HTR4: variants seen among roughly 807,000 people sequenced by gnomAD.
HTR4 encodes 5-hydroxytryptamine receptor 4.
A neutral mutation model predicts 36.8 loss-of-function variants in HTR4; 16 were observed. The observed-to-expected ratio is 0.43, with a 90% confidence interval of 0.29 to 0.66. The LOEUF is 0.66. Ranked by LOEUF, HTR4 falls within the 30% of genes least tolerant of loss-of-function variation. The pLI is 0.13. For missense variants in HTR4, 438 were observed against 490.9 expected (o/e 0.89, Z 1.02); for synonymous variants, 189 against 185.1 (o/e 1.02, Z -0.17).
At chr5:148,493,585 A>C (rs560445783) in intron 6 of HTR4, among the ~76,000 whole-genome samples, 7 of 152,234 alleles carry the variant, frequency 4.6e-5, no homozygotes, top group Non-Finnish European at 8.8e-5. Flanking sequence ...ATGATGAATG[A>C]TAAATTGGTG....
At chr5:148,630,102 T>C (rs536011234) in intron 2 of HTR4, 1 of 152,326 alleles carries the variant, frequency 6.6e-6, no homozygotes, top group South Asian at 2.1e-4. Context: ...TGAGGCTTCT[T>C]GACCTCTTTA....
intron 5 of HTR4, among the ~76,000 whole-genome samples, chr5:148,462,287 A>C (rs1755295725): frequency 6.6e-6 from 1 of 152,006 alleles, no homozygotes; most frequent in Non-Finnish European, 1.5e-5. Context: ...AGAAATGAAG[A>C]GAGAGAGAAA....
intron 6 of HTR4, among the ~76,000 whole-genome samples, chr5:148,489,939 A>G (rs1280767546): frequency 6.6e-6 from 1 of 152,088 alleles, no homozygotes; most frequent in Admixed American, 6.6e-5. Flanking sequence ...CCTGAGTGAT[A>G]AACACGAAGC....
chr5:148,544,489 A>T (rs186092933), intron 4 of HTR4, among the ~76,000 whole-genome samples: 491 of 152,192 alleles, frequency 3.2e-3, no homozygotes, highest in African/African-American at 0.011. Context: ...ACACGTCATT[A>T]TTTCTCATGG....
chr5:148,559,809 T>G (rs1386460686), intron 2 of HTR4, among the ~76,000 whole-genome samples: 1 of 152,142 alleles, frequency 6.6e-6, no homozygotes, highest in Non-Finnish European at 1.5e-5. Flanking sequence ...TGCTTGTTAG[T>G]GCACCTCCTG....
At chr5:148,567,574 G>A (rs571616095) in intron 2 of HTR4, among the ~76,000 whole-genome samples, 138 of 152,004 alleles carry the variant, frequency 9.1e-4, no homozygotes, top group African/African-American at 3.0e-3. Context: ...CTTTGATCTC[G>A]ATTTCCACCA....
chr5:148,496,344 G>A (rs1011111314), intron 6 of HTR4, among the ~76,000 whole-genome samples: 1 of 152,110 alleles, frequency 6.6e-6, no homozygotes, highest in Non-Finnish European at 1.5e-5. Context: ...TCTAATGTGA[G>A]TGATCTGCAG....
chr5:148,630,666 G>GT, intron 2 of HTR4, among the ~76,000 whole-genome samples: 1 of 152,172 alleles, frequency 6.6e-6, no homozygotes, highest in Middle Eastern at 3.4e-3. Flanking sequence ...TTAATTATCA[G>GT]TTTTTGGGTA....
chr5:148,463,862 G>C (rs1467878934), intron 5 of HTR4, among the ~76,000 whole-genome samples: 1 of 152,034 alleles, frequency 6.6e-6, no homozygotes, highest in Non-Finnish European at 1.5e-5. Context: ...AAATGAAGCA[G>C]TATAGTTTGG....
chr5:148,459,762 CA>C (rs1030298658), intron 5 of HTR4, among the ~76,000 whole-genome samples: 1 of 151,990 alleles, frequency 6.6e-6, no homozygotes, highest in Non-Finnish European at 1.5e-5. Flanking sequence ...CCAAAACAAA[CA>C]AACAAAAAAA....
chr5:148,580,938 C>T (rs1009647747), intron 2 of HTR4, among the ~76,000 whole-genome samples: 1 of 151,828 alleles, frequency 6.6e-6, no homozygotes, highest in African/African-American at 2.4e-5. Context: ...TTTGAGGACC[C>T]TCCATACTGT....
intron 6 of HTR4, chr5:148,490,585 A>T (rs1756372526): frequency 2.6e-6 from 3 of 1,145,838 alleles, no homozygotes; most frequent in Admixed American, 9.2e-5. Context: ...AGAACGTGTT[A>T]TTCAATCTAC....
chr5:148,523,914 CTG>C (rs1476667313), intron 4 of HTR4, among the ~76,000 whole-genome samples: 1 of 152,074 alleles, frequency 6.6e-6, no homozygotes, highest in Admixed American at 6.5e-5. Context: ...AGCTCTACAT[CTG>C]GGCTCTAACC....
intron 4 of HTR4, among the ~76,000 whole-genome samples, chr5:148,540,995 C>A (rs1160840640): frequency 6.6e-6 from 1 of 152,192 alleles, no homozygotes; most frequent in East Asian, 1.9e-4. Context: ...ATTAATTGAA[C>A]ACTTACCAAG....
intron 2 of HTR4, among the ~76,000 whole-genome samples, chr5:148,553,198 T>C (rs1406118714): frequency 2.0e-5 from 3 of 151,984 alleles, no homozygotes; most frequent in African/African-American, 4.8e-5. Flanking sequence ...TGTCAGCTGA[T>C]AGTACAGTCC....
intron 6 of HTR4, among the ~76,000 whole-genome samples, chr5:148,485,963 A>C (rs1756139383): frequency 6.6e-6 from 1 of 152,210 alleles, no homozygotes; most frequent in Non-Finnish European, 1.5e-5. Flanking sequence ...CTCAGCTTCA[A>C]TATATTGGCT....
At chr5:148,581,542 T>TACA (rs953924782) in intron 2 of HTR4, among the ~76,000 whole-genome samples, 4 of 152,120 alleles carry the variant, frequency 2.6e-5, no homozygotes, top group Non-Finnish European at 4.4e-5. Flanking sequence ...ACAATTTTAT[T>TACA]ACTTTGGATG....
chr5:148,568,393 T>G (rs1353583639), intron 2 of HTR4, among the ~76,000 whole-genome samples: 2 of 152,168 alleles, frequency 1.3e-5, no homozygotes, highest in African/African-American at 4.8e-5. Flanking sequence ...AATTAACCTA[T>G]AAATCAATCA....
chr5:148,513,636 T>A (rs981966212), intron 5 of HTR4, among the ~76,000 whole-genome samples: 1 of 152,200 alleles, frequency 6.6e-6, no homozygotes, highest in Non-Finnish European at 1.5e-5. Context: ...CATATAAAAT[T>A]TAAATTAATA....
Sources: allele counts gnomAD v4.1 joint callset (sites outside exome capture counted in the v4.1 genomes callset), GRCh38; gene constraint gnomAD v4.1.1; transcripts MANE v1.5; gene names NCBI Gene and HGNC (gene_info 2026-07-23, HGNC 2026-07-21).